The following SYNE2 variants were observed in gnomAD, a reference collection of about 807,000 sequenced individuals.
SYNE2 encodes spectrin repeat containing nuclear envelope protein 2.
In SYNE2, 431 loss-of-function variants were observed where a neutral mutation model predicts 856.3. The observed-to-expected ratio is 0.50, with a 90% CI of 0.47 to 0.55. The LOEUF is 0.55. SYNE2 is among the 20% of genes least tolerant of loss of function. The probability of loss-of-function intolerance (pLI) is 0.00; values close to 1 mark genes in which losing one functional copy is unlikely to be tolerated. For missense variants in SYNE2, 8,129 were observed against 8,023.2 expected (o/e 1.01, Z -0.50); for synonymous variants, 2,923 against 2,872.3 (o/e 1.02, Z -0.56).
chr14:63,963,410 G>A (rs1269970596), intron 9 of SYNE2, among the ~76,000 whole-genome samples: 1 of 152,188 alleles, frequency 6.6e-6, no homozygotes, highest in Non-Finnish European at 1.5e-5. Flanking sequence ...ATGTAAGCAA[G>A]CAAGTTTACC....
chr14:64,111,352 A>G (rs1321168863), intron 65 of SYNE2, among the ~76,000 whole-genome samples: 2 of 152,194 alleles, frequency 1.3e-5, no homozygotes, highest in African/African-American at 4.8e-5. Flanking sequence ...TCAAGTGGCA[A>G]AAAAAGGAAA....
At chr14:64,185,574 G>A (rs1217807880) in intron 96 of SYNE2, among the ~76,000 whole-genome samples, 1 of 126,430 alleles carries the variant, frequency 7.9e-6, no homozygotes, top group Non-Finnish European at 1.6e-5. Flanking sequence ...AGGCTAGAAT[G>A]CAGTGGTGCG....
rs1461922058 is a variant in SYNE2, at chr14:64,107,819, C to T, written c.12609+212C>T. Among the ~76,000 whole-genome samples, 8 of 152,194 alleles carry T rather than the reference C, an allele frequency of 5.3e-5. No homozygotes were observed. The South Asian group carries it at 8.3e-4, about 16-fold the overall frequency. On this transcript the variant is annotated intron_variant, in intron 65 of 115. Transcript: ENST00000555002. ...AATAGGCATGGCATAGAGAATTAGA[C>T]GCTTTTCACTCATTTACCATTTGTC...
chr14:63,800,231 G>GTT (rs1018127285), intron 1 of SYNE2, among the ~76,000 whole-genome samples: 6 of 148,422 alleles, frequency 4.0e-5, no homozygotes, highest in African/African-American at 1.5e-4. Flanking sequence ...AGGTTTTTTG[G>GTT]TTTTTTTTTT....
chr14:64,216,725 C>G (rs2098668341), intron 108 of SYNE2, among the ~76,000 whole-genome samples: 1 of 152,152 alleles, frequency 6.6e-6, no homozygotes. Context: ...AAGCCTTTGT[C>G]TTTTTGTTGT....
chr14:64,102,312 T>G (rs560003397), intron 64 of SYNE2, among the ~76,000 whole-genome samples: 3 of 152,314 alleles, frequency 2.0e-5, no homozygotes, highest in African/African-American at 7.2e-5. Flanking sequence ...AGACGGGGTT[T>G]CGCCATGTTG....
chr14:63,864,843 G>A (rs1894788974), intron 1 of SYNE2, among the ~76,000 whole-genome samples: 1 of 152,168 alleles, frequency 6.6e-6, no homozygotes, highest in African/African-American at 2.4e-5. Flanking sequence ...TCCATGTGCT[G>A]ATAGGGTTAA....
chr14:64,017,850 A>G lies in SYNE2; in HGVS notation c.5049+94A>G, dbSNP rs139362310. ...AGTCAACAAACATTAGGATGCTCATATGTGACTTTGTTATCAAGAAAATCA... is the reference window on the plus strand; with the variant it reads ...AGTCAACAAACATTAGGATGCTCATGTGTGACTTTGTTATCAAGAAAATCA... On this transcript the variant is annotated intron_variant, in intron 34 of 115. Coordinates refer to ENST00000555002, the MANE Select transcript of SYNE2 (RefSeq NM_182914.3). 1.4e-4 allele frequency: 172 copies of G among 1,271,234 alleles called. 1 individual carries two copies. The African/African-American group carries it at 2.3e-3, about 17-fold the overall frequency. The allele number at this position is 1,271,234 out of a possible 1,614,324, so 78.7% of individuals were successfully genotyped here.
At chr14:64,124,678 C>G (rs1336140983) in intron 70 of SYNE2, among the ~76,000 whole-genome samples, 1 of 152,126 alleles carries the variant, frequency 6.6e-6, no homozygotes, top group African/African-American at 2.4e-5. Flanking sequence ...GCTCAGAAGA[C>G]AGCATGCTAA....
intron 39 of SYNE2, 120 bp downstream of exon 39, chr14:64,024,579 G>A (rs1358398730): frequency 1.1e-5 from 11 of 981,034 alleles, no homozygotes; most frequent in Admixed American, 2.2e-5. Context: ...CACAAAAGGC[G>A]TACTTTTCAA....
chr14:63,778,942 G>A (rs572108330), intron 1 of SYNE2, among the ~76,000 whole-genome samples: 86 of 151,904 alleles, frequency 5.7e-4, no homozygotes, highest in African/African-American at 2.0e-3. Flanking sequence ...TCATGGCTAT[G>A]AGCCACTGTG....
chr14:63,844,191 T>C (rs1305943250), intron 1 of SYNE2, among the ~76,000 whole-genome samples: 1 of 152,106 alleles, frequency 6.6e-6, no homozygotes, highest in African/African-American at 2.4e-5. Context: ...GATCCCTCCA[T>C]CCCCCCAATC....
chr14:64,058,309 G>T (rs541610146), intron 49 of SYNE2, among the ~76,000 whole-genome samples: 4 of 151,974 alleles, frequency 2.6e-5, no homozygotes, highest in Non-Finnish European at 4.4e-5. Flanking sequence ...GAGAGATAGG[G>T]GGTCTAGTTT....
At chr14:63,871,265 G>A (rs963222315) in intron 1 of SYNE2, among the ~76,000 whole-genome samples, 12 of 151,728 alleles carry the variant, frequency 7.9e-5, no homozygotes, top group Middle Eastern at 3.4e-3. Context: ...GAGTGCAATG[G>A]CTGGATCTCA....
intron 53 of SYNE2, among the ~76,000 whole-genome samples, chr14:64,074,701 G>A (rs565448230): frequency 1.1e-4 from 17 of 152,252 alleles, no homozygotes; most frequent in African/African-American, 4.1e-4. Context: ...GTCAAGACCA[G>A]CCTGGCCAAC....
At chr14:64,031,443 A>C (rs751256495) in intron 45 of SYNE2, 86 bp downstream of exon 45, 8 of 1,166,404 alleles carry the variant, frequency 6.9e-6, no homozygotes, top group Non-Finnish European at 8.9e-6. Flanking sequence ...TGAATCAAGC[A>C]TTCTGATTTC....
chr14:64,166,557 C>A (rs1210009847), intron 90 of SYNE2, among the ~76,000 whole-genome samples: 1 of 152,156 alleles, frequency 6.6e-6, no homozygotes, highest in African/African-American at 2.4e-5. Context: ...TTTTAAGAAT[C>A]AAATTTTCAT....
intron 65 of SYNE2, among the ~76,000 whole-genome samples, chr14:64,111,140 A>T (rs2097802954): frequency 6.7e-6 from 1 of 150,154 alleles, no homozygotes; most frequent in Non-Finnish European, 1.5e-5. Flanking sequence ...CCGAGGCAGG[A>T]GGATCACCTG....
chr14:64,107,853 A>G (rs958277576), intron 65 of SYNE2, among the ~76,000 whole-genome samples: 12 of 152,246 alleles, frequency 7.9e-5, no homozygotes, highest in African/African-American at 2.9e-4. Flanking sequence ...TCATCATGAA[A>G]TAGTCTTTCT....
Sources: allele counts gnomAD v4.1 joint callset (sites outside exome capture counted in the v4.1 genomes callset), GRCh38; gene constraint gnomAD v4.1.1; transcripts MANE v1.5; gene names NCBI Gene and HGNC (gene_info 2026-07-23, HGNC 2026-07-21).